Variants in TDRD12 observed in about 807,000 individuals in gnomAD.
TDRD12 encodes putative ATP-dependent RNA helicase TDRD12.
In TDRD12, 158 loss-of-function variants were observed where a neutral mutation model predicts 133.5. The observed-to-expected ratio is 1.18, with a 90% CI of 1.04 to 1.35. TDRD12 has a LOEUF of 1.35. Among genes scored for constraint, TDRD12 ranks in the 40% most tolerant of loss-of-function variants. The pLI, the probability that TDRD12 is intolerant of heterozygous loss-of-function variation, is 0.00. For missense variants in TDRD12, 1,443 were observed against 1,321.3 expected (o/e 1.09, Z -1.43); for synonymous variants, 460 against 477.9 (o/e 0.96, Z 0.49).
At chr19:32,737,122 G>T (rs1415047083) in intron 2 of TDRD12, among the ~76,000 whole-genome samples, 2 of 152,150 alleles carry the variant, frequency 1.3e-5, no homozygotes, top group African/African-American at 4.8e-5. Flanking sequence ...AATTGCAATA[G>T]TTTCACACCA....
At chr19:32,744,513 A>AC (rs997436559) in intron 4 of TDRD12, among the ~76,000 whole-genome samples, 3 of 150,470 alleles carry the variant, frequency 2.0e-5, no homozygotes, top group African/African-American at 7.3e-5. Flanking sequence ...AAAAAAAAAA[A>AC]AAAAAAAAAA....
intron 16 of TDRD12, 87 bp downstream of exon 16, chr19:32,798,522 T>C: frequency 8.6e-7 from 1 of 1,169,198 alleles, no homozygotes; most frequent in Non-Finnish European, 1.2e-6. Context: ...AAGTGTCTGG[T>C]TGGGGAATAC....
downstream of TDRD12, among the ~76,000 whole-genome samples, chr19:32,822,122 C>CAAA (rs869204850): frequency 1.3e-5 from 2 of 151,086 alleles, no homozygotes; most frequent in African/African-American, 4.9e-5. Flanking sequence ...CTATAAAAAA[C>CAAA]AAAAAACAAA....
chr19:32,822,865 G>A (rs1478347754), downstream of TDRD12, among the ~76,000 whole-genome samples: 3 of 152,182 alleles, frequency 2.0e-5, no homozygotes, highest in Non-Finnish European at 2.9e-5. Context: ...ATCTTCGTGT[G>A]GCCTTTTAAT....
chr19:32,765,054 C>T (rs1170633308), intron 8 of TDRD12, among the ~76,000 whole-genome samples: 1 of 152,188 alleles, frequency 6.6e-6, no homozygotes, highest in Non-Finnish European at 1.5e-5. Flanking sequence ...AAAAAACAAA[C>T]AACCCCATCA....
chr19:32,825,499 G>A (rs996469215), downstream of TDRD12, among the ~76,000 whole-genome samples: 3 of 152,240 alleles, frequency 2.0e-5, no homozygotes, highest in African/African-American at 7.2e-5. The surrounding 1 kb of genome is among the most constrained non-coding windows in gnomAD (Gnocchi z 4.1). Context: ...TCCAAGGCCA[G>A]CCACTGCAAT....
intron 17 of TDRD12, 63 bp downstream of exon 17, chr19:32,800,421 G>A: frequency 8.0e-7 from 1 of 1,250,386 alleles, no homozygotes; most frequent in Non-Finnish European, 1.1e-6. Context: ...GTGGGGGGCT[G>A]ATGAACACAA....
exon 24 of TDRD12, chr19:32,811,246 C>G: frequency 6.5e-7 from 1 of 1,536,098 alleles, no homozygotes; most frequent in East Asian, 2.4e-5. Context: ...AAGAAGACGC[C>G]TGGGCCCTGG....
intron 24 of TDRD12, among the ~76,000 whole-genome samples, chr19:32,811,827 T>C (rs1967016867): frequency 6.6e-6 from 1 of 152,146 alleles, no homozygotes; most frequent in African/African-American, 2.4e-5. Flanking sequence ...TATGATCGTG[T>C]CACTGCATTC....
chr19:32,788,487 T>G (rs1208272709), intron 11 of TDRD12, among the ~76,000 whole-genome samples: 3 of 152,174 alleles, frequency 2.0e-5, no homozygotes, highest in Non-Finnish European at 4.4e-5. Flanking sequence ...TAATATCACG[T>G]TTTTAATTTG....
intron 27 of TDRD12, among the ~76,000 whole-genome samples, chr19:32,819,096 T>C (rs1308629274): frequency 6.6e-6 from 1 of 152,042 alleles, no homozygotes; most frequent in African/African-American, 2.4e-5. Context: ...GCAGGAGGAT[T>C]GCTCAAGCTC....
At chr19:32,806,281 A>G (rs1288594060) in intron 21 of TDRD12, among the ~76,000 whole-genome samples, 3 of 151,588 alleles carry the variant, frequency 2.0e-5, no homozygotes, top group East Asian at 1.9e-4. Context: ...TTTTTGAATT[A>G]TGGTACATTA....
chr19:32,772,609 G>A, intron 8 of TDRD12, 144 bp from the exon 9 acceptor site: 1 of 518,104 alleles, frequency 1.9e-6, no homozygotes, highest in South Asian at 3.4e-5. Context: ...CTCGAGTAAG[G>A]TTTACTACAA....
At chr19:32,793,571 G>C (rs1455745880) in intron 13 of TDRD12, among the ~76,000 whole-genome samples, 1 of 152,174 alleles carries the variant, frequency 6.6e-6, no homozygotes, top group Non-Finnish European at 1.5e-5. Context: ...ATCCATGTGG[G>C]TGGAGAACTC....
At chr19:32,797,611 A>T (rs1197055571) in intron 14 of TDRD12, 124 bp from the exon 15 acceptor site, 1 of 535,114 alleles carries the variant, frequency 1.9e-6, no homozygotes, top group African/African-American at 1.9e-5. Context: ...TCTGACCTGT[A>T]TGATGATTAT....
At position 32,794,419 on chromosome 19, in the gene TDRD12, T is replaced by TA. The variant is rs546546574; in HGVS notation, c.1288-207dup. On this transcript the variant is annotated intron_variant, in intron 13 of 27. Transcript: ENST00000444215. ...CGTGCCCTGCCTAGCAAGAATCTTT[T>TA]AATGGGAGTCTTAATAGGAGAAAAA... Among the ~76,000 whole-genome samples the TA allele has an allele frequency of 6.4e-4, 97 of 152,200 alleles. 1 individual carries two copies. Among genetic ancestry groups the TA allele is most frequent in the Non-Finnish European group, 1.0e-3 (70 of 68,000 alleles).
chr19:32,802,975 G>A (rs1163488328), exon 21 of TDRD12: 15 of 1,535,980 alleles, frequency 9.8e-6, no homozygotes, highest in South Asian at 3.6e-5. Context: ...TGCTGCTGAC[G>A]GAGAAAGATG....
intron 25 of TDRD12, among the ~76,000 whole-genome samples, chr19:32,814,167 T>G (rs1305474217): frequency 1.3e-5 from 2 of 152,178 alleles, no homozygotes; most frequent in African/African-American, 4.8e-5. Flanking sequence ...CTGGGGTTCC[T>G]TCTGTGAGCA....
At chr19:32,816,491 A>G (rs958668522) in intron 26 of TDRD12, among the ~76,000 whole-genome samples, 1 of 152,180 alleles carries the variant, frequency 6.6e-6, no homozygotes, top group African/African-American at 2.4e-5. Flanking sequence ...ACAGCTACAT[A>G]ATGTTCCTTT....
Sources: gnomAD v4.1 joint callset for allele counts (sites outside exome capture counted in the v4.1 genomes callset) on GRCh38, gnomAD v4.1.1 for gene constraint, Gnocchi (gnomAD v3.1) non-coding constraint, MANE v1.5 for transcripts, NCBI Gene and HGNC (gene_info 2026-07-23, HGNC 2026-07-21) for gene names.